The following OCA2 variants were observed in gnomAD, a reference collection of about 807,000 sequenced individuals.
OCA2 encodes P protein.
A neutral mutation model predicts 100.2 loss-of-function variants in OCA2; 77 were observed. The observed-to-expected ratio is 0.77, with a 90% CI of 0.64 to 0.93. The LOEUF (loss-of-function observed/expected upper bound fraction) is 0.93, where lower values mean the gene tolerates loss of function less well. OCA2 is among the 40% of genes least tolerant of loss of function. The pLI, the probability that OCA2 is intolerant of heterozygous loss-of-function variation, is 0.00. For missense variants in OCA2, 1,062 were observed against 1,089.1 expected (o/e 0.98, Z 0.35); for synonymous variants, 432 against 439.2 (o/e 0.98, Z 0.21).
chr15:27,859,270 G>A (rs554602915), intron 21 of OCA2, among the ~76,000 whole-genome samples: 1 of 152,096 alleles, frequency 6.6e-6, no homozygotes, highest in African/African-American at 2.4e-5. Flanking sequence ...TATTGTCAAA[G>A]TTTTATCTAG....
chr15:27,740,749 G>A, the OCA2 span, among the ~76,000 whole-genome samples: 39 of 152,270 alleles, frequency 2.6e-4, no homozygotes, highest in African/African-American at 6.5e-4. Context: ...TCTGCTCCCC[G>A]TGTACCAGCA....
chr15:28,044,674 G>A (rs1425137440), intron 2 of OCA2, among the ~76,000 whole-genome samples: 2 of 152,080 alleles, frequency 1.3e-5, no homozygotes, highest in Admixed American at 6.6e-5. Context: ...TTTTTGCTTC[G>A]TGTATTTTGC....
chr15:27,983,225 T>G (rs2041224883), intron 14 of OCA2, 120 bp downstream of exon 14: 2 of 1,240,172 alleles, frequency 1.6e-6, no homozygotes, highest in African/African-American at 2.9e-5. Context: ...CCAGTAGCAC[T>G]TACTGTGAAG....
At chr15:27,754,350 G>A (rs925842326), downstream of OCA2, among the ~76,000 whole-genome samples, 1 of 152,192 alleles carries the variant, frequency 6.6e-6, no homozygotes, top group Non-Finnish European at 1.5e-5. Flanking sequence ...AGTTCTTAGT[G>A]CCCTGAGCAT....
chr15:28,092,354 T>A (rs1265750277), intron 1 of OCA2, among the ~76,000 whole-genome samples: 1 of 152,120 alleles, frequency 6.6e-6, no homozygotes, highest in Non-Finnish European at 1.5e-5. Flanking sequence ...AAAAAAAACA[T>A]TAAATTGTAC....
chr15:27,782,550 G>T (rs1007784396), intron 23 of OCA2, among the ~76,000 whole-genome samples: 2 of 152,186 alleles, frequency 1.3e-5, no homozygotes, highest in African/African-American at 2.4e-5. Flanking sequence ...TTTACTGGCA[G>T]TCATCTCTTT....
rs112719621 is a variant in OCA2, at chr15:27,792,960, C to T, written c.2433-37488G>A. Among the ~76,000 whole-genome samples, 933 of 152,324 alleles carry T rather than the reference C, an allele frequency of 6.1e-3. 16 individuals carry two copies. Among genetic ancestry groups the T allele is most frequent in the African/African-American group, 0.021 (869 of 41,574 alleles). On this transcript the variant is annotated intron_variant, in intron 23 of 23. Transcript: ENST00000354638. Reference sequence around the variant, plus strand: ...GGCCGAGTGCTGGCGTCCAGCACAACTTCAGAGGAGGGGCGGCCAGGGCAC... The same window carrying T: ...GGCCGAGTGCTGGCGTCCAGCACAATTTCAGAGGAGGGGCGGCCAGGGCAC...
chr15:27,805,825 G>A (rs1462389752), intron 23 of OCA2, among the ~76,000 whole-genome samples: 1 of 152,114 alleles, frequency 6.6e-6, no homozygotes, highest in Non-Finnish European at 1.5e-5. Flanking sequence ...CCCAGGCGGC[G>A]GGAACAGCCA....
chr15:27,979,589 G>GTTTTTCC (rs1419504647), intron 14 of OCA2, among the ~76,000 whole-genome samples: 1 of 151,098 alleles, frequency 6.6e-6, no homozygotes, highest in Non-Finnish European at 1.5e-5. Flanking sequence ...GTTACTCTTT[G>GTTTTTCC]TTTTTCCTTT....
At chr15:27,791,515 A>G (rs1336412337) in intron 23 of OCA2, among the ~76,000 whole-genome samples, 2 of 152,168 alleles carry the variant, frequency 1.3e-5, no homozygotes, top group African/African-American at 4.8e-5. Flanking sequence ...GTTGTCTACA[A>G]AGGAGCAGCA....
intron 19 of OCA2, among the ~76,000 whole-genome samples, chr15:27,916,591 C>G (rs1427130660): frequency 6.6e-6 from 1 of 152,154 alleles, no homozygotes. Context: ...CCTTCTAAAT[C>G]TGCAGAAACA....
intron 23 of OCA2, among the ~76,000 whole-genome samples, chr15:27,795,210 T>A (rs949583739): frequency 6.6e-6 from 1 of 152,204 alleles, no homozygotes. Context: ...GCGTCTGTGC[T>A]CCAACCCGTA....
At chr15:27,890,871 C>T (rs1453164235) in intron 19 of OCA2, among the ~76,000 whole-genome samples, 1 of 151,980 alleles carries the variant, frequency 6.6e-6, no homozygotes, top group Non-Finnish European at 1.5e-5. Context: ...ACTAAAAATA[C>T]AAAAATTAGC....
chr15:28,070,579 G>C (rs2044224185), intron 2 of OCA2, among the ~76,000 whole-genome samples: 1 of 147,350 alleles, frequency 6.8e-6, no homozygotes, highest in Non-Finnish European at 1.5e-5. Flanking sequence ...CCCCGTCTGG[G>C]AGGTGAGGGG....
At chr15:28,059,496 G>C (rs1010120896) in intron 2 of OCA2, among the ~76,000 whole-genome samples, 7 of 152,194 alleles carry the variant, frequency 4.6e-5, no homozygotes, top group African/African-American at 1.7e-4. Flanking sequence ...AGCTATGACT[G>C]CACCACTGCA....
chr15:27,843,647 G>GCT (rs1428885736), intron 23 of OCA2, among the ~76,000 whole-genome samples: 1 of 152,126 alleles, frequency 6.6e-6, no homozygotes, highest in Non-Finnish European at 1.5e-5. Context: ...GTCCCCTGAG[G>GCT]CTCACACCCA....
chr15:27,719,784 C>T, the OCA2 span, among the ~76,000 whole-genome samples: 61 of 152,270 alleles, frequency 4.0e-4, no homozygotes, highest in Middle Eastern at 3.4e-3. Flanking sequence ...ATAGGAAGTG[C>T]AAGATTGGGT....
chr15:27,855,026 T>C (rs1166030947), intron 21 of OCA2, among the ~76,000 whole-genome samples: 2 of 152,218 alleles, frequency 1.3e-5, no homozygotes, highest in East Asian at 3.8e-4. Flanking sequence ...CCAAACTGCA[T>C]ACTTACAACT....
intron 9 of OCA2, among the ~76,000 whole-genome samples, chr15:28,002,201 C>T (rs1012141719): frequency 1.3e-5 from 2 of 152,180 alleles, no homozygotes; most frequent in Non-Finnish European, 2.9e-5. Context: ...GTAGGGGTGT[C>T]CCCCGGGATA....
Sources: gnomAD v4.1 joint callset for allele counts (sites outside exome capture counted in the v4.1 genomes callset) on GRCh38, gnomAD v4.1.1 for gene constraint, MANE v1.5 for transcripts, NCBI Gene and HGNC (gene_info 2026-07-23, HGNC 2026-07-21) for gene names.